The following IL1RAPL1 variants were observed in gnomAD, a reference collection of about 807,000 sequenced individuals.
The protein encoded by IL1RAPL1 is interleukin-1 receptor accessory protein-like 1.
Under a neutral mutation model 48.4 loss-of-function variants are expected in IL1RAPL1, and 3 were observed. That is an observed-to-expected ratio of 0.06 (90% CI 0.03 to 0.16). The LOEUF (loss-of-function observed/expected upper bound fraction) is 0.16, where lower values mean the gene tolerates loss of function less well. Ranked by LOEUF, IL1RAPL1 falls within the 10% of genes least tolerant of loss-of-function variation. The probability of loss-of-function intolerance (pLI) is 1.00; values close to 1 mark genes in which losing one functional copy is unlikely to be tolerated. For missense variants in IL1RAPL1, 349 were observed against 530.6 expected, an observed-to-expected ratio of 0.66 and a Z score of 3.36; for synonymous variants, 185 against 187.7, an observed-to-expected ratio of 0.99 and a Z score of 0.12.
At chrX:29,793,000 T>C (rs1929669581) in intron 6 of IL1RAPL1, among the ~76,000 whole-genome samples, 1 of 112,040 alleles carries the variant, frequency 8.9e-6, no homozygotes, top group Non-Finnish European at 1.9e-5. Flanking sequence ...CTTCAAAACA[T>C]CATGTTATAA....
At chrX:29,525,546 AT>A (rs1569330864) in intron 5 of IL1RAPL1, among the ~76,000 whole-genome samples, 1 of 111,759 alleles carries the variant, frequency 8.9e-6, no homozygotes. Flanking sequence ...TCTAAAATGT[AT>A]TTCGAAGACA....
chrX:29,531,346 G>C (rs1921032297), intron 5 of IL1RAPL1, among the ~76,000 whole-genome samples: 1 of 111,579 alleles, frequency 9.0e-6, no homozygotes, highest in African/African-American at 3.3e-5. Context: ...AGTTGTGAGT[G>C]ACACATAAAG....
Position 29,668,462 on chromosome X carries a change from T to A in IL1RAPL1, c.736T>A (p.Tyr246Asn). Reference sequence around the variant, plus strand: ...GACTGATAAGCCACCCAAGCTTTTGTATCCTATGGAAAGTAAACTGACAAT... The same window carrying A: ...GACTGATAAGCCACCCAAGCTTTTGAATCCTATGGAAAGTAAACTGACAAT... ...PLTDKPPKLL[Y>N]PMESKLTIQE... Residue 246 changes from tyrosine to asparagine, a missense_variant, in exon 6 of 11, where the codon TAT becomes AAT. Physicochemically the swap from Tyr to Asn is moderately radical, Grantham distance 143. Coordinates refer to ENST00000378993, the MANE Select transcript of IL1RAPL1 (RefSeq NM_014271.4). The A allele has an allele frequency of 2.5e-6, 3 of 1,210,129 alleles. No homozygotes were observed. Among genetic ancestry groups the A allele is most frequent in the Non-Finnish European group, 3.4e-6 (3 of 893,917 alleles).
intron 2 of IL1RAPL1, among the ~76,000 whole-genome samples, chrX:29,106,893 G>T (rs1294600721): frequency 9.0e-6 from 1 of 110,720 alleles, no homozygotes; most frequent in Non-Finnish European, 1.9e-5. Flanking sequence ...ACACGTATTT[G>T]CCACTGTTCA....
intron 9 of IL1RAPL1, among the ~76,000 whole-genome samples, chrX:29,953,728 G>C (rs920085811): frequency 1.8e-5 from 2 of 111,460 alleles, no homozygotes; most frequent in African/African-American, 6.5e-5. Context: ...ATTCTCACAA[G>C]TTTGGTTTTA....
chrX:28,952,619 A>G (rs369883902), intron 2 of IL1RAPL1, among the ~76,000 whole-genome samples: 1 of 111,249 alleles, frequency 9.0e-6, no homozygotes, highest in Non-Finnish European at 1.9e-5. Context: ...AGGAAATACA[A>G]TCTGCTAGTA....
At chrX:29,500,361 T>C (rs1363910244) in intron 5 of IL1RAPL1, among the ~76,000 whole-genome samples, 1 of 112,226 alleles carries the variant, frequency 8.9e-6, no homozygotes, top group Non-Finnish European at 1.9e-5. Context: ...TATCAAACAC[T>C]AAGTCTTATT....
intron 6 of IL1RAPL1, among the ~76,000 whole-genome samples, chrX:29,879,355 ATATGTG>A (rs1246929634): frequency 1.2e-5 from 1 of 81,403 alleles, no homozygotes; most frequent in African/African-American, 5.0e-5. Context: ...GTAGTTTTAT[ATATGTG>A]TGTGTGTGTG....
intron 2 of IL1RAPL1, among the ~76,000 whole-genome samples, chrX:28,960,941 C>T (rs1022905919): frequency 3.3e-5 from 3 of 90,276 alleles, no homozygotes; most frequent in Non-Finnish European, 6.1e-5. Flanking sequence ...ACCCAGGAGA[C>T]GGAGCTTGCA....
chrX:29,625,126 A>G (rs1924579091), intron 5 of IL1RAPL1, among the ~76,000 whole-genome samples: 1 of 111,870 alleles, frequency 8.9e-6, no homozygotes, highest in Non-Finnish European at 1.9e-5. Flanking sequence ...TTTCTTTACA[A>G]TAAATAAGGA....
At chrX:29,256,078 C>T (rs936220727) in intron 2 of IL1RAPL1, among the ~76,000 whole-genome samples, 4 of 111,310 alleles carry the variant, frequency 3.6e-5, no homozygotes, top group Non-Finnish European at 5.7e-5. Context: ...CCACCAACAG[C>T]GTATAAGCAT....
In IL1RAPL1 at chrX:29,902,954, T is replaced by TC. The variant is rs1409472506; in HGVS notation, c.779-14509dup. ...TGAAATTTGAGCAGATGTTGTTATA[T>TC]CTTTCAGCAATCACATCCTCAACTA... On this transcript the variant is annotated intron_variant, in intron 6 of 10. Coordinates refer to ENST00000378993, the MANE Select transcript of IL1RAPL1 (RefSeq NM_014271.4). Among the ~76,000 whole-genome samples the TC allele has an allele frequency of 2.7e-5, 3 of 111,577 alleles. No individual in the cohort carries two copies. In the East Asian group the frequency reaches 8.4e-4, roughly 31 times the overall value.
intron 2 of IL1RAPL1, among the ~76,000 whole-genome samples, chrX:28,957,242 C>T (rs1287016458): frequency 1.8e-5 from 2 of 110,359 alleles, no homozygotes; most frequent in East Asian, 2.8e-4. Context: ...ATGTAACTAA[C>T]CTGCACAATG....
chrX:29,741,782 A>T (rs183695464), intron 6 of IL1RAPL1, among the ~76,000 whole-genome samples: 1 of 108,325 alleles, frequency 9.2e-6, no homozygotes, highest in Non-Finnish European at 1.9e-5. Flanking sequence ...TTAGCCGGGC[A>T]TGGTGGTATG....
At position 28,925,780 on chromosome X, in the gene IL1RAPL1, G is replaced by A. The variant is rs766199807; in HGVS notation, c.82+136355G>A. Among the ~76,000 whole-genome samples the A allele has an allele frequency of 4.5e-5, 5 of 110,961 alleles. No individual in the cohort carries two copies. The East Asian group carries it at 1.2e-3, about 26-fold the overall frequency. On this transcript the variant is annotated intron_variant, in intron 2 of 10. Coordinates refer to ENST00000378993, the MANE Select transcript of IL1RAPL1 (RefSeq NM_014271.4). The stretch of plus-strand genomic sequence containing the variant: ...TACTAAAAATACAAAATTTAGCTGG[G>A]TGTGGTGGTGCGTGTCTGTAGTCCC...
intron 1 of IL1RAPL1, among the ~76,000 whole-genome samples, chrX:28,709,161 T>G (rs1935411438): frequency 8.9e-6 from 1 of 112,334 alleles, no homozygotes; most frequent in Non-Finnish European, 1.9e-5. Context: ...CCTCGAGGAA[T>G]TTGCAATTAT....
intron 2 of IL1RAPL1, among the ~76,000 whole-genome samples, chrX:28,848,869 C>T (rs1198238746): frequency 9.0e-6 from 1 of 111,725 alleles, no homozygotes; most frequent in Middle Eastern, 4.2e-3. Context: ...CACATTTCCT[C>T]AAATATTGGA....
At position 29,853,158 on chromosome X, in the gene IL1RAPL1, G is replaced by A. The variant is rs188177311; in HGVS notation, c.779-64306G>A. 2.6e-4 allele frequency among the ~76,000 whole-genome samples: 26 copies of A among 100,817 alleles called. No individual in the cohort carries two copies. The South Asian group carries it at 8.3e-3, about 32-fold the overall frequency. 87.5% of individuals were successfully genotyped at this position (100,817 alleles called of 115,157 possible). A position where few individuals can be genotyped will look rare whatever the true frequency, so the allele number is the denominator to read the frequency against. ...TATTTGAAGACTGCAAGGAGTACATGTAAAAACTGATCTGCCAATTCTATT... is the reference window on the plus strand; with the variant it reads ...TATTTGAAGACTGCAAGGAGTACATATAAAAACTGATCTGCCAATTCTATT... On this transcript the variant is annotated intron_variant, in intron 6 of 10. Coordinates refer to ENST00000378993, the MANE Select transcript of IL1RAPL1 (RefSeq NM_014271.4).
At chrX:28,810,120 C>G (rs1339508445) in intron 2 of IL1RAPL1, among the ~76,000 whole-genome samples, 1 of 110,218 alleles carries the variant, frequency 9.1e-6, no homozygotes. Flanking sequence ...GATTCCTATT[C>G]AGTCTTCGAG....
Sources: gnomAD v4.1 joint callset for allele counts (sites outside exome capture counted in the v4.1 genomes callset) on GRCh38, gnomAD v4.1.1 for gene constraint, MANE v1.5 for transcripts, NCBI Gene and HGNC (gene_info 2026-07-23, HGNC 2026-07-21) for gene names.